The following RASGRF2 variants were observed in gnomAD, a reference collection of about 807,000 sequenced individuals.
The protein encoded by RASGRF2 is ras-specific guanine nucleotide-releasing factor 2.
A neutral mutation model predicts 151.0 loss-of-function variants in RASGRF2; 76 were observed. The ratio of observed to expected loss-of-function variants is 0.50; its 90% CI spans 0.42 to 0.61. RASGRF2 has a LOEUF of 0.61. RASGRF2 is among the 20% of genes least tolerant of loss of function. RASGRF2 has a pLI of 0.00. For missense variants in RASGRF2, 1,148 were observed against 1,564.6 expected (o/e 0.73, Z 4.49); for synonymous variants, 504 against 566.5 (o/e 0.89, Z 1.57).
intron 1 of RASGRF2, among the ~76,000 whole-genome samples, chr5:81,013,037 GGCCCCAAA>G (rs1219639115): frequency 2.0e-5 from 3 of 152,122 alleles, no homozygotes; most frequent in Non-Finnish European, 4.4e-5. Flanking sequence ...TATAGGAGCA[GGCCCCAAA>G]TACGGTAATG....
At chr5:81,065,844 T>C (rs937021637) in intron 2 of RASGRF2, among the ~76,000 whole-genome samples, 3 of 152,134 alleles carry the variant, frequency 2.0e-5, no homozygotes, top group Non-Finnish European at 2.9e-5. Context: ...TCTGGTCTAT[T>C]GATGGCATAT....
chr5:81,184,866 T>C (rs763685312), intron 18 of RASGRF2, among the ~76,000 whole-genome samples: 3 of 152,238 alleles, frequency 2.0e-5, no homozygotes, highest in Non-Finnish European at 2.9e-5. Context: ...AGGCAGTCTC[T>C]GACCTCAAGG....
At chr5:80,985,625 C>T (rs1016483731) in intron 1 of RASGRF2, among the ~76,000 whole-genome samples, 2 of 152,176 alleles carry the variant, frequency 1.3e-5, no homozygotes, top group Admixed American at 6.5e-5. Context: ...CTTATTTAAG[C>T]ACCTTCTGAG....
rs140963806 is a variant in RASGRF2, at chr5:81,093,766, G to A, written c.1552-530G>A. ...AAGTTTTATTGGAACACAGCCATGCGCATGTCTTTGTGTCTGTGGCTGCTT... is the reference window on the plus strand; with the variant it reads ...AAGTTTTATTGGAACACAGCCATGCACATGTCTTTGTGTCTGTGGCTGCTT... On this transcript the variant is annotated intron_variant, in intron 10 of 26. Transcript: ENST00000265080. Among the ~76,000 whole-genome samples the A allele has an allele frequency of 6.9e-3, 1,052 of 152,200 alleles. 14 individuals are homozygous for A. The highest frequency in any genetic ancestry group is 0.024 in the African/African-American group (1,004 of 41,510).
chr5:81,092,745 G>T, intron 9 of RASGRF2, 56 bp from the exon 10 acceptor site: 6 of 1,512,928 alleles, frequency 4.0e-6, no homozygotes, highest in Non-Finnish European at 5.4e-6. Flanking sequence ...CGTGGACATG[G>T]TCCTCACTTG....
intron 1 of RASGRF2, among the ~76,000 whole-genome samples, chr5:81,008,122 TTTTCTTTC>T (rs1345139702): frequency 6.6e-6 from 1 of 150,908 alleles, no homozygotes. Flanking sequence ...TCAGTTTTCT[TTTTCTTTC>T]TTTCTTTCCT....
chr5:81,221,463 C>T (rs78159095), intron 26 of RASGRF2, among the ~76,000 whole-genome samples: 1,818 of 152,272 alleles, frequency 0.012, 20 homozygotes, highest in Middle Eastern at 0.048. Flanking sequence ...GCTTGGCCAT[C>T]GGGTGCTCTT....
At position 81,059,219 on chromosome 5, in the gene RASGRF2, T is replaced by TAAAAAATAC. The variant is rs539993231; in HGVS notation, c.396-8805_396-8797dup. On this transcript the variant is annotated intron_variant, in intron 2 of 26. Transcript: ENST00000265080. The stretch of plus-strand genomic sequence containing the variant: ...TAACACGGTGAAACCCCCTCTCTAC[T>TAAAAAATAC]AAAAAATACAAAAAATTAGCCGGGC... Among the ~76,000 whole-genome samples the TAAAAAATAC allele has an allele frequency of 1.6e-3, 243 of 151,114 alleles. 1 individual carries two copies. Among genetic ancestry groups the TAAAAAATAC allele is most frequent in the South Asian group, 6.1e-3 (29 of 4,752 alleles).
chr5:81,058,701 G>A (rs1751310256), intron 2 of RASGRF2, among the ~76,000 whole-genome samples: 1 of 149,524 alleles, frequency 6.7e-6, no homozygotes, highest in African/African-American at 2.5e-5. Context: ...TACTTGAGAG[G>A]CTGAGGTGAG....
intron 1 of RASGRF2, among the ~76,000 whole-genome samples, chr5:80,964,204 G>A (rs760150165): frequency 1.1e-4 from 16 of 152,198 alleles, no homozygotes; most frequent in South Asian, 4.2e-4. Context: ...CTTTGGGATA[G>A]CAATGGTGAT....
chr5:81,195,262 A>G (rs1361156978), intron 18 of RASGRF2, among the ~76,000 whole-genome samples: 1 of 151,940 alleles, frequency 6.6e-6, no homozygotes, highest in Non-Finnish European at 1.5e-5. Context: ...TGCCTCCGAG[A>G]AGGCGCTCGG....
intron 7 of RASGRF2, 51 bp from the exon 8 acceptor site, chr5:81,085,751 C>G (rs1752210595): frequency 1.9e-6 from 3 of 1,607,874 alleles, no homozygotes; most frequent in Non-Finnish European, 1.7e-6. Flanking sequence ...GAGCATGTGC[C>G]CTGTCACCCA....
At chr5:81,002,781 T>A (rs1360328452) in intron 1 of RASGRF2, among the ~76,000 whole-genome samples, 4 of 152,222 alleles carry the variant, frequency 2.6e-5, no homozygotes, top group African/African-American at 9.6e-5. Flanking sequence ...AAATAGAATA[T>A]TTGATAATAG....
At chr5:81,160,058 T>C (rs1351966415) in intron 17 of RASGRF2, among the ~76,000 whole-genome samples, 1 of 151,706 alleles carries the variant, frequency 6.6e-6, no homozygotes, top group African/African-American at 2.4e-5. Flanking sequence ...GAGGCCAAGG[T>C]GGGAAGATTG....
chr5:80,986,872 T>C (rs994003736), intron 1 of RASGRF2, among the ~76,000 whole-genome samples: 2 of 152,200 alleles, frequency 1.3e-5, no homozygotes, highest in Non-Finnish European at 1.5e-5. Context: ...ATATTTGCTG[T>C]TGGCTCATTG....
chr5:81,026,366 T>A (rs566545214), intron 1 of RASGRF2, among the ~76,000 whole-genome samples: 2 of 152,184 alleles, frequency 1.3e-5, no homozygotes, highest in African/African-American at 4.8e-5. Flanking sequence ...GGGCCAAGAC[T>A]CTGCAATGTG....
At chr5:80,983,361 C>T (rs1480937660) in intron 1 of RASGRF2, among the ~76,000 whole-genome samples, 1 of 152,182 alleles carries the variant, frequency 6.6e-6, no homozygotes, top group Non-Finnish European at 1.5e-5. Context: ...GCTCTCATTG[C>T]GATGACTTGG....
intron 23 of RASGRF2, among the ~76,000 whole-genome samples, chr5:81,215,073 C>A (rs1233899300): frequency 6.6e-6 from 1 of 152,052 alleles, no homozygotes; most frequent in African/African-American, 2.4e-5. Flanking sequence ...GGTGCAGTGA[C>A]TCATGCTGTA....
At chr5:81,090,394 G>T (rs975278598) in intron 9 of RASGRF2, among the ~76,000 whole-genome samples, 5 of 152,186 alleles carry the variant, frequency 3.3e-5, no homozygotes, top group Non-Finnish European at 2.9e-5. Context: ...ATGATCTGAT[G>T]AATTACTAAA....
Sources: gnomAD v4.1 joint callset for allele counts (sites outside exome capture counted in the v4.1 genomes callset) on GRCh38, gnomAD v4.1.1 for gene constraint, MANE v1.5 for transcripts, NCBI Gene and HGNC (gene_info 2026-07-23, HGNC 2026-07-21) for gene names.